The following SCNN1B variants were observed in gnomAD, a reference collection of about 807,000 sequenced individuals.
The protein encoded by SCNN1B is sodium channel epithelial 1 subunit beta, also known as epithelial sodium channel subunit beta.
Under a neutral mutation model 65.3 loss-of-function variants are expected in SCNN1B, and 46 were observed. The ratio of observed to expected loss-of-function variants is 0.70; its 90% CI spans 0.56 to 0.90. The LOEUF (loss-of-function observed/expected upper bound fraction) is 0.90, where lower values mean the gene tolerates loss of function less well. Among genes scored for constraint, SCNN1B ranks in the 40% least tolerant of loss-of-function variants. The probability of loss-of-function intolerance (pLI) is 0.00; values close to 1 mark genes in which losing one functional copy is unlikely to be tolerated. For missense variants in SCNN1B, 751 were observed against 830.5 expected (o/e 0.90, Z 1.18); for synonymous variants, 349 against 330.6 (o/e 1.06, Z -0.60).
intron 4 of SCNN1B, among the ~76,000 whole-genome samples, chr16:23,360,960 A>G (rs1962541695): frequency 6.6e-6 from 1 of 152,030 alleles, no homozygotes; most frequent in Admixed American, 6.6e-5. Context: ...ACAACCGGCT[A>G]ATTTTTTGTA....
At chr16:23,334,177 C>T (rs556454589) in intron 1 of SCNN1B, among the ~76,000 whole-genome samples, 3 of 152,118 alleles carry the variant, frequency 2.0e-5, no homozygotes, top group Admixed American at 6.5e-5. Context: ...CCACCCAACA[C>T]GTGGGGCAGC....
At chr16:23,322,694 C>A (rs758400907) in intron 1 of SCNN1B, among the ~76,000 whole-genome samples, 11 of 152,042 alleles carry the variant, frequency 7.2e-5, no homozygotes, top group South Asian at 4.1e-4. Context: ...TTTCATTGAA[C>A]CCATATATCC....
chr16:23,371,987 C>T, intron 7 of SCNN1B, 104 bp downstream of exon 7: 1 of 903,864 alleles, frequency 1.1e-6, no homozygotes, highest in Non-Finnish European at 1.8e-6. Context: ...TCTGGCTCTG[C>T]TGGGCCTTTG....
At chr16:23,301,425 G>GAGCGAAAGAA (rs1961081979), upstream of SCNN1B, among the ~76,000 whole-genome samples, 1 of 149,142 alleles carries the variant, frequency 6.7e-6, no homozygotes. Context: ...GAGAGAGAGA[G>GAGCGAAAGAA]AGAGAAAGAA....
chr16:23,367,838 T>C lies in SCNN1B; in HGVS notation c.777-18T>C, dbSNP rs1289550260. 6.3e-7 allele frequency: 1 copy of C among 1,593,334 alleles called. No homozygotes were observed. The highest frequency in any genetic ancestry group is 1.1e-5 in the South Asian group (1 of 90,678). Reference sequence around the variant, plus strand: ...CCTGTGGTGGAACCTGCCCTGCAGCTGATGCTGTTTCTTTTAGGAACTTCA... The same window carrying C: ...CCTGTGGTGGAACCTGCCCTGCAGCCGATGCTGTTTCTTTTAGGAACTTCA... On this transcript the variant is annotated intron_variant, in intron 4 of 12. Transcript: ENST00000343070.
intron 2 of SCNN1B, 82 bp from the exon 3 acceptor site, chr16:23,352,719 C>T (rs1368011581): frequency 6.8e-7 from 1 of 1,474,164 alleles, no homozygotes; most frequent in African/African-American, 1.4e-5. Flanking sequence ...AAACAGACTA[C>T]TATGGAGTGG....
intron 4 of SCNN1B, among the ~76,000 whole-genome samples, chr16:23,355,738 G>A (rs1411554686): frequency 6.6e-6 from 1 of 152,142 alleles, no homozygotes; most frequent in African/African-American, 2.4e-5. Context: ...CAGGGAAAGT[G>A]GGATAAGGAA....
At chr16:23,378,605 G>A in intron 10 of SCNN1B, 101 bp from the exon 11 acceptor site, 1 of 1,076,408 alleles carries the variant, frequency 9.3e-7, no homozygotes. Context: ...GGGGGCCTCA[G>A]GAAGGGACAG....
chr16:23,298,547 C>T (rs35127878), upstream of SCNN1B, among the ~76,000 whole-genome samples: 19,108 of 152,196 alleles, frequency 0.13, 2,953 homozygotes, highest in African/African-American at 0.37. Flanking sequence ...GGCCTTGTTT[C>T]ATGGAGAGGT....
In SCNN1B at chr16:23,371,690, G is replaced by T. The variant is rs1205386663; in HGVS notation, c.1045-86G>T. On this transcript the variant is annotated intron_variant, in intron 6 of 12. Transcript: ENST00000343070. ...CACCTGCAGGGGTCCACAGCCCTCTGTCCCCAAATGCTTGATAGAAGGGAG... is the reference window on the plus strand; with the variant it reads ...CACCTGCAGGGGTCCACAGCCCTCTTTCCCCAAATGCTTGATAGAAGGGAG... 7 of 1,222,352 alleles carry T rather than the reference G, an allele frequency of 5.7e-6. No individual in the cohort carries two copies. In the African/African-American group the frequency reaches 1.0e-4, roughly 18 times the overall value. The allele number at this position is 1,222,352 out of a possible 1,614,324, so 75.7% of individuals were successfully genotyped here. A position where few individuals can be genotyped will look rare whatever the true frequency, so the allele number is the denominator to read the frequency against.
chr16:23,380,017 T>C lies in SCNN1B; in HGVS notation c.1467-77T>C. On this transcript the variant is annotated intron_variant, in intron 11 of 12. Transcript: ENST00000343070. This position sits in a 1 kb window ranked among gnomAD's most constrained non-coding sequence, Gnocchi z 5.4. ...GTGCACGTGCATGTGTGTGCATGTG[T>C]CTATGTGCGTGTGTGTGTGTCTGTC... 1 of 1,067,812 alleles carries C rather than the reference T, an allele frequency of 9.4e-7. No homozygotes were observed. Among genetic ancestry groups the C allele is most frequent in the Non-Finnish European group, 1.5e-6 (1 of 681,734 alleles). The allele number at this position is 1,067,812 out of a possible 1,614,324, so 66.1% of individuals were successfully genotyped here. A position where few individuals can be genotyped will look rare whatever the true frequency, so the allele number is the denominator to read the frequency against.
intron 1 of SCNN1B, among the ~76,000 whole-genome samples, chr16:23,312,756 G>T (rs984613473): frequency 6.6e-6 from 1 of 152,102 alleles, no homozygotes; most frequent in African/African-American, 2.4e-5. Context: ...TGGAAGAGGA[G>T]CCTAGCTGGG....
At position 23,380,474 on chromosome 16, in the gene SCNN1B, C is replaced by T. The variant is rs1309377238; in HGVS notation, c.1596C>T (p.Gly532=). The T allele has an allele frequency of 1.2e-6, 2 of 1,614,124 alleles. No individual in the cohort carries two copies. Among genetic ancestry groups the T allele is most frequent in the Non-Finnish European group, 1.7e-6 (2 of 1,180,046 alleles). ...GCCAGTTTGGCTTCTGGATGGGGGGCTCTGTGCTGTGCCTCATCGAGTTTG... is the reference window on the plus strand; with the variant it reads ...GCCAGTTTGGCTTCTGGATGGGGGGTTCTGTGCTGTGCCTCATCGAGTTTG... ...LGGQFGFWMG[G]SVLCLIEFGE... The change falls in exon 13 of 13, where the codon GGC becomes GGT. Residue 532 remains glycine, a synonymous_variant. Coordinates refer to ENST00000343070, the MANE Select transcript of SCNN1B (RefSeq NM_000336.3). This position sits in a 1 kb window ranked among gnomAD's most constrained non-coding sequence, Gnocchi z 5.4.
At position 23,380,095 on chromosome 16, in the gene SCNN1B, A is replaced by G. The variant is rs200237728; in HGVS notation, c.1468A>G (p.Lys490Glu). 2 of 1,613,626 alleles carry G rather than the reference A, an allele frequency of 1.2e-6. No individual in the cohort carries two copies. The highest frequency in any genetic ancestry group is 1.7e-6 in the Non-Finnish European group (2 of 1,179,604). Reference sequence around the variant, plus strand: ...GGCCCTTCTCGCTGCCTCCTGCAGGAAGGGAATTGTCAAGCTCAACATCTA... The same window carrying G: ...GGCCCTTCTCGCTGCCTCCTGCAGGGAGGGAATTGTCAAGCTCAACATCTA... The part of the protein sequence containing the change: ...DQSTNITLSR[K>E]GIVKLNIYFQ... Residue 490 changes from lysine (K) to glutamate (E), a missense_variant and splice_region_variant, in exon 12 of 13, where the codon AAG becomes GAG. Transcript: ENST00000343070. The surrounding 1 kb of genome is among the most constrained non-coding windows in gnomAD (Gnocchi z 5.4).
At chr16:23,354,768 T>C (rs1962382527) in intron 3 of SCNN1B, among the ~76,000 whole-genome samples, 1 of 152,132 alleles carries the variant, frequency 6.6e-6, no homozygotes. Flanking sequence ...AATCTATGTA[T>C]ATGGGGTTCG....
chr16:23,325,512 TC>T (rs1440934734), intron 1 of SCNN1B, among the ~76,000 whole-genome samples: 1 of 150,312 alleles, frequency 6.7e-6, no homozygotes, highest in African/African-American at 2.5e-5. Context: ...AGTGATCTGC[TC>T]ACTTCAGCCT....
At chr16:23,293,111 T>G (rs1960949475) in intron 2 of SCNN1B, among the ~76,000 whole-genome samples, 2 of 55,142 alleles carry the variant, frequency 3.6e-5, no homozygotes, top group Non-Finnish European at 6.2e-5. Context: ...GGAGACTCAT[T>G]CTCAAAAAAA....
chr16:23,357,356 G>T (rs1021395573), intron 4 of SCNN1B, among the ~76,000 whole-genome samples: 3 of 152,256 alleles, frequency 2.0e-5, no homozygotes, highest in African/African-American at 7.2e-5. Context: ...GCCAAGGCGG[G>T]TGGATCACCT....
intron 7 of SCNN1B, 73 bp downstream of exon 7, chr16:23,371,956 G>A (rs1015175901): frequency 2.4e-5 from 27 of 1,110,662 alleles, no homozygotes; most frequent in African/African-American, 2.2e-4. Context: ...TCAGTACTCC[G>A]GGAGAGCTGG....
Sources: gnomAD v4.1 joint callset for allele counts (sites outside exome capture counted in the v4.1 genomes callset) on GRCh38, gnomAD v4.1.1 for gene constraint, Gnocchi (gnomAD v3.1) non-coding constraint, MANE v1.5 for transcripts, NCBI Gene and HGNC (gene_info 2026-07-23, HGNC 2026-07-21) for gene names.